TSEN34: variants seen among roughly 807,000 people sequenced by gnomAD.
TSEN34 encodes tRNA-splicing endonuclease subunit Sen34.
Under a neutral mutation model 30.2 loss-of-function variants are expected in TSEN34, and 25 were observed. That is an observed-to-expected ratio of 0.83 (90% confidence interval 0.60 to 1.16). The LOEUF is 1.16. Among genes scored for constraint, TSEN34 ranks in the 50% most tolerant of loss-of-function variants. TSEN34 has a pLI of 0.00. For missense variants in TSEN34, 475 were observed against 411.9 expected (o/e 1.15, Z -1.33); for synonymous variants, 209 against 177.4 (o/e 1.18, Z -1.41).
At position 54,191,378 on chromosome 19, in the gene TSEN34, A is replaced by G; in HGVS notation, c.14A>G (p.Glu5Gly). The G allele has an allele frequency of 1.3e-6, 2 of 1,549,820 alleles. No individual in the cohort carries two copies. Among genetic ancestry groups the G allele is most frequent in the Non-Finnish European group, 1.7e-6 (2 of 1,147,152 alleles). MLVVEVANGRSLVWG... is the reference protein window; with the variant it reads MLVVGVANGRSLVWG... ...TCCCGCAGGAGGATGCTGGTGGTGG[A>G]GGTGGCGAACGGCCGCTCCCTGGTG... Residue 5 changes from glutamate (E) to glycine (G), a missense_variant, in exon 1 of 4, where the codon GAG becomes GGG. Glu to Gly is a moderately conservative substitution (Grantham distance 98, BLOSUM62 -2). Transcript: ENST00000396388.
upstream of TSEN34, chr19:54,190,482 G>A (rs1294956851): frequency 1.1e-5 from 15 of 1,372,300 alleles, no homozygotes; most frequent in Non-Finnish European, 1.3e-5. Context: ...GTGGACGGCG[G>A]GTGTCCAGGG....
In TSEN34 at chr19:54,191,771, C is replaced by G. The variant is rs770587931; in HGVS notation, c.294C>G (p.Ser98Arg). ...AAGAGGAGAGCTTCCAGGAGCAGAG[C>G]GCCTTGGCAGCTGAGGCCCGGGAGA... ...RQQEESFQEQ[S>R]ALAAEARETR... The change falls in exon 2 of 4, where the codon AGC becomes AGG. Residue 98 changes from serine to arginine, a missense_variant. Physicochemically the swap from Ser to Arg is moderately radical, Grantham distance 110. Transcript: ENST00000396388. 8 of 1,614,176 alleles carry G rather than the reference C, an allele frequency of 5.0e-6. No homozygotes were observed. Among genetic ancestry groups the G allele is most frequent in the Admixed American group, 1.7e-5 (1 of 60,026 alleles).
Position 54,192,193 on chromosome 19 carries a change from A to G in TSEN34, c.565A>G (p.Thr189Ala). 6.2e-7 allele frequency: 1 copy of G among 1,614,146 alleles called. No homozygotes were observed. The highest frequency in any genetic ancestry group is 1.3e-5 in the African/African-American group (1 of 75,054). ...ATCTGCTCTCCTTGTCCAGCTGGCC[A>G]CTGCCAGGCCTCGACCGGTCAAGGC... ...PRSALLVQLA[T>A]ARPRPVKARP... is the part of the protein sequence containing the mutation. The change falls in exon 3 of 4, where the codon ACT becomes GCT. Residue 189 changes from threonine (T) to alanine (A), a missense_variant. By Grantham distance (58) the Thr-to-Ala change is moderately conservative. Coordinates refer to ENST00000396388, the MANE Select transcript of TSEN34 (RefSeq NM_001077446.4).
At chr19:54,192,524 C>T (rs999762748) in intron 3 of TSEN34, 151 bp downstream of exon 3, 4 of 1,073,472 alleles carry the variant, frequency 3.7e-6, no homozygotes, top group Non-Finnish European at 5.4e-6. Flanking sequence ...GCAATCCTTC[C>T]ACCTCGGCCC....
rs576728545 is a variant in TSEN34 at position 54,193,386 on chromosome 19, G to A, written c.*24G>A. The A allele has an allele frequency of 1.2e-6, 2 of 1,613,954 alleles. No homozygotes were observed. Among genetic ancestry groups the A allele is most frequent in the East Asian group, 4.5e-5 (2 of 44,872 alleles). ...GAACTCCAGAGACCTAGGGGATGTG[G>A]CTGTGTCGGCAGCAAGAGCCTTTCT... is the stretch of plus-strand genomic sequence containing the variant. On this transcript the variant is annotated 3_prime_UTR_variant, in exon 4 of 4. Transcript: ENST00000396388.
rs4006644 is a variant in TSEN34 at position 54,193,005 on chromosome 19, C to CAAA, written c.746-157_746-155dup. 2.9e-4 allele frequency among the ~76,000 whole-genome samples: 29 copies of CAAA among 99,220 alleles called. 1 individual carries two copies. The highest frequency in any genetic ancestry group is 6.1e-4 in the African/African-American group (15 of 24,508). 65.1% of individuals were successfully genotyped at this position (99,220 alleles called of 152,430 possible). ...GGGGGACAAGAGCGAGACTTTGTCTCAAAAAAAAAAAAAAAGCCTAGAAGT... is the reference window on the plus strand; with the variant it reads ...GGGGGACAAGAGCGAGACTTTGTCTCAAAAAAAAAAAAAAAAAAGCCTAGAAGT... On this transcript the variant is annotated intron_variant, in intron 3 of 3. Coordinates refer to ENST00000396388, the MANE Select transcript of TSEN34 (RefSeq NM_001077446.4).
rs533094658 is a variant in TSEN34, at chr19:54,192,108, C to G, written c.488-8C>G. The G allele has an allele frequency of 6.2e-7, 1 of 1,614,188 alleles. No homozygotes were observed. ...ATTTACCAAACTCTTCTCTGTACTC[C>G]CCACCAGGCCCCTCGTCTTCCCAAG... On this transcript the variant is annotated splice_region_variant and splice_polypyrimidine_tract_variant and intron_variant, in intron 2 of 3. Coordinates refer to ENST00000396388, the MANE Select transcript of TSEN34 (RefSeq NM_001077446.4).
intron 3 of TSEN34, 98 bp downstream of exon 3, chr19:54,192,471 G>A (rs1162947400): frequency 6.6e-7 from 1 of 1,515,018 alleles, no homozygotes; most frequent in Non-Finnish European, 9.0e-7. Context: ...TAATAGAGGT[G>A]GGGTCTCTTG....
upstream of TSEN34, chr19:54,191,178 G>A (rs2076670496): frequency 2.2e-6 from 3 of 1,384,820 alleles, no homozygotes; most frequent in East Asian, 2.9e-5. Context: ...AGGCCTGGTG[G>A]GATCGCCCGG....
chr19:54,192,542 T>C (rs548764562), intron 3 of TSEN34, among the ~76,000 whole-genome samples, 169 bp downstream of exon 3: 1 of 152,154 alleles, frequency 6.6e-6, no homozygotes, highest in Non-Finnish European at 1.5e-5. Context: ...CCCCCCAAAG[T>C]GCTGGAATTA....
At position 54,191,495 on chromosome 19, in the gene TSEN34, C is replaced by G. The variant is rs1474571766; in HGVS notation, c.131C>G (p.Ser44Trp). Residue 44 changes from serine (S) to tryptophan (W), a missense_variant, in exon 1 of 4, where the codon TCG (serine) becomes TGG (tryptophan). Transcript: ENST00000396388. ...CTGCCCCGCGGGCCCCGCCAGAACT[C>G]GCGCCTGGGCCTCCCGCTGCTGCTG... Reference protein sequence around the residue: ...GALPRGPRQNSRLGLPLLLMP... With the variant: ...GALPRGPRQNWRLGLPLLLMP... The G allele has an allele frequency of 8.9e-6, 14 of 1,569,922 alleles. No homozygotes were observed. In the East Asian group the frequency reaches 1.2e-4, roughly 13 times the overall value.
Position 54,193,507 on chromosome 19 carries a change from T to G in TSEN34, c.*145T>G. On this transcript the variant is annotated 3_prime_UTR_variant, in exon 4 of 4. Coordinates refer to ENST00000396388, the MANE Select transcript of TSEN34 (RefSeq NM_001077446.4). ...CCAGGTTTTCGAACACTACATCTTTTTTATGTTCTTCCTTGTTTCAAAGCA... is the reference window on the plus strand; with the variant it reads ...CCAGGTTTTCGAACACTACATCTTTGTTATGTTCTTCCTTGTTTCAAAGCA... 1 of 1,543,570 alleles carries G rather than the reference T, an allele frequency of 6.5e-7. No individual in the cohort carries two copies. Among genetic ancestry groups the G allele is most frequent in the East Asian group, 2.4e-5 (1 of 40,916 alleles).
rs527437622 is a variant in TSEN34, at chr19:54,193,561, A to G, written c.*199A>G. 1.2e-5 allele frequency: 18 copies of G among 1,530,134 alleles called. No homozygotes were observed. Among genetic ancestry groups the G allele is most frequent in the African/African-American group, 8.3e-5 (6 of 72,706 alleles). The allele number at this position is 1,530,134 out of a possible 1,614,324, so 94.8% of individuals were successfully genotyped here. A position where few individuals can be genotyped will look rare whatever the true frequency, so the allele number is the denominator to read the frequency against. On this transcript the variant is annotated 3_prime_UTR_variant, in exon 4 of 4. Transcript: ENST00000396388. ...ATTGGCTGTGTTTTTGTAGTTACCT[A>G]TTTTCACACTGTGAGCTTCCCGAGA... is the stretch of plus-strand genomic sequence containing the variant.
At chr19:54,191,132 G>A, upstream of TSEN34, 6 of 1,358,532 alleles carry the variant, frequency 4.4e-6, no homozygotes, top group East Asian at 3.0e-5. Context: ...AGAGGGTCGG[G>A]GGCTTGTCTC....
upstream of TSEN34, chr19:54,191,143 C>T: frequency 1.5e-6 from 2 of 1,354,544 alleles, no homozygotes; most frequent in South Asian, 1.8e-5. Flanking sequence ...GGCTTGTCTC[C>T]GGCGTCTCGT....
At chr19:54,191,093 G>C (rs913230339), upstream of TSEN34, 7 of 1,328,422 alleles carry the variant, frequency 5.3e-6, no homozygotes, top group East Asian at 1.9e-4. Flanking sequence ...CACAAGGGTA[G>C]AGCGGGACCC....
At position 54,193,917 on chromosome 19, in the gene TSEN34, A is replaced by G; in HGVS notation, c.*555A>G. 1 of 547,416 alleles carries G rather than the reference A, an allele frequency of 1.8e-6. No individual in the cohort carries two copies. The highest frequency in any genetic ancestry group is 3.2e-6 in the Non-Finnish European group (1 of 310,068). The allele number at this position is 547,416 out of a possible 1,614,324, so 33.9% of individuals were successfully genotyped here. On this transcript the variant is annotated 3_prime_UTR_variant, in exon 4 of 4. Transcript: ENST00000396388. Reference sequence around the variant, plus strand: ...ATACAAACGTTATAAATAAAAATATAGGCTGGGCACGATGACCCACACCTG... The same window carrying G: ...ATACAAACGTTATAAATAAAAATATGGGCTGGGCACGATGACCCACACCTG...
At chr19:54,190,761 C>A, upstream of TSEN34, 1 of 1,168,812 alleles carries the variant, frequency 8.6e-7, no homozygotes, top group African/African-American at 1.6e-5. Context: ...ACTTCCTGTG[C>A]TCGGGAGGGG....
In TSEN34 at chr19:54,192,196, G is replaced by A. The variant is rs940018239; in HGVS notation, c.568G>A (p.Ala190Thr). ...TGCTCTCCTTGTCCAGCTGGCCACT[G>A]CCAGGCCTCGACCGGTCAAGGCCAG... ...RSALLVQLAT[A>T]RPRPVKARPL... The change falls in exon 3 of 4, where the codon GCC (alanine) becomes ACC (threonine). Residue 190 changes from alanine to threonine, a missense_variant. Coordinates refer to ENST00000396388, the MANE Select transcript of TSEN34 (RefSeq NM_001077446.4). The A allele has an allele frequency of 1.2e-6, 2 of 1,614,048 alleles. No homozygotes were observed. The highest frequency in any genetic ancestry group is 1.7e-6 in the Non-Finnish European group (2 of 1,180,006).
Sources: allele counts gnomAD v4.1 joint callset (sites outside exome capture counted in the v4.1 genomes callset), GRCh38; gene constraint gnomAD v4.1.1; transcripts MANE v1.5; gene names NCBI Gene and HGNC (gene_info 2026-07-23, HGNC 2026-07-21).